The following MAD1L1 variants were observed in gnomAD, a reference collection of about 807,000 sequenced individuals.
The protein encoded by MAD1L1 is mitotic spindle assembly checkpoint protein MAD1.
A neutral mutation model predicts 96.9 loss-of-function variants in MAD1L1; 95 were observed. The observed-to-expected ratio is 0.98, with a 90% CI of 0.83 to 1.16. The LOEUF (loss-of-function observed/expected upper bound fraction) is 1.16, where lower values mean the gene tolerates loss of function less well. MAD1L1 is among the 50% of genes most tolerant of loss of function. The pLI is 0.00. For missense variants in MAD1L1, 1,007 were observed against 954.4 expected (o/e 1.06, Z -0.73); for synonymous variants, 473 against 396.6 (o/e 1.19, Z -2.29).
chr7:1,917,962 G>C lies in MAD1L1; in HGVS notation c.1807+18725C>G, dbSNP rs549950544. 3.6e-3 allele frequency among the ~76,000 whole-genome samples: 541 copies of C among 152,274 alleles called. 4 individuals are homozygous for C. The highest frequency in any genetic ancestry group is 0.013 in the African/African-American group (533 of 41,550). On this transcript the variant is annotated intron_variant, in intron 17 of 18. Coordinates refer to ENST00000265854, the MANE Select transcript of MAD1L1 (RefSeq NM_001013836.2). Reference sequence around the variant, plus strand: ...GCATCAGGCCCCACCCTGTGGTTCAGCCCAGAGCCCAGCAGACTAGATGTG... The same window carrying C: ...GCATCAGGCCCCACCCTGTGGTTCACCCCAGAGCCCAGCAGACTAGATGTG...
chr7:2,003,172 G>T (rs1285360422), intron 13 of MAD1L1, among the ~76,000 whole-genome samples: 1 of 152,314 alleles, frequency 6.6e-6, no homozygotes, highest in East Asian at 1.9e-4. Context: ...GGGAGAAATC[G>T]AGAGGCAGGC....
At chr7:2,141,225 A>G (rs192743389) in intron 11 of MAD1L1, among the ~76,000 whole-genome samples, 114 of 152,308 alleles carry the variant, frequency 7.5e-4, no homozygotes, top group African/African-American at 2.5e-3. Context: ...CCTGCATCCT[A>G]CAGGGCCACG....
chr7:2,191,195 C>T (rs1193421019), intron 10 of MAD1L1, among the ~76,000 whole-genome samples: 4 of 152,128 alleles, frequency 2.6e-5, no homozygotes, highest in Non-Finnish European at 5.9e-5. Context: ...ATTCCATTCC[C>T]ACATAATTCC....
rs929348634 is a variant in MAD1L1 at position 2,045,347 on chromosome 7, T to C, written c.1218+23847A>G. On this transcript the variant is annotated intron_variant, in intron 12 of 18. Coordinates refer to ENST00000265854, the MANE Select transcript of MAD1L1 (RefSeq NM_001013836.2). ...TCCCCCATGTCCCTGTGAGAGTCTC[T>C]GTGTCCCTGTGAGAGTGACTCCCAG... Among the ~76,000 whole-genome samples the C allele has an allele frequency of 1.3e-5, 2 of 152,118 alleles. 1 individual carries two copies. The highest frequency in any genetic ancestry group is 4.1e-4 in the South Asian group (2 of 4,824).
rs969795750 is a variant in MAD1L1 at position 2,076,174 on chromosome 7, G to A, written c.1074-6836C>T. On this transcript the variant is annotated intron_variant, in intron 11 of 18. Coordinates refer to ENST00000265854, the MANE Select transcript of MAD1L1 (RefSeq NM_001013836.2). ...GGTATGAAGACGCCTCCACAGCCAC[G>A]CCCGGGCCCAGGGCAAAACCAGCAC... is the stretch of plus-strand genomic sequence containing the variant. Among the ~76,000 whole-genome samples, 5 of 152,210 alleles carry A rather than the reference G, an allele frequency of 3.3e-5. No homozygotes were observed. The East Asian group carries it at 7.7e-4, about 23-fold the overall frequency.
Position 2,020,033 on chromosome 7 carries a change from C to T in MAD1L1, c.1219-5391G>A, listed in dbSNP as rs189536614. Among the ~76,000 whole-genome samples, 26 of 152,358 alleles carry T rather than the reference C, an allele frequency of 1.7e-4. No individual in the cohort carries two copies. In the East Asian group the frequency reaches 1.7e-3, roughly 10 times the overall value. On this transcript the variant is annotated intron_variant, in intron 12 of 18. Coordinates refer to ENST00000265854, the MANE Select transcript of MAD1L1 (RefSeq NM_001013836.2). ...CGTTACCTCATTTGATCTTCAGAAC[C>T]GCCAGGCAGGCACAGGGCTGAGGGA...
Position 2,186,615 on chromosome 7 carries a change from C to T in MAD1L1, c.986+26597G>A, listed in dbSNP as rs192311804. On this transcript the variant is annotated intron_variant, in intron 10 of 18. Transcript: ENST00000265854. ...TTTCTTTGTAGTGAGGATGGATTTA[C>T]ATTATCCTGTACAATATTTTTGAAA... Among the ~76,000 whole-genome samples, 41 of 152,232 alleles carry T rather than the reference C, an allele frequency of 2.7e-4. 1 individual carries two copies. Among genetic ancestry groups the T allele is most frequent in the Admixed American group, 2.6e-3 (40 of 15,292 alleles).
chr7:1,909,165 C>A (rs1177047255), intron 17 of MAD1L1, among the ~76,000 whole-genome samples: 2 of 152,204 alleles, frequency 1.3e-5, no homozygotes, highest in Non-Finnish European at 2.9e-5. Flanking sequence ...GCCTCCACAT[C>A]AGGCCGAGGT....
rs1223181376 is a variant in MAD1L1 at position 1,937,673 on chromosome 7, C to T, written c.1597-776G>A. 9.5e-5 allele frequency among the ~76,000 whole-genome samples: 14 copies of T among 147,536 alleles called. 1 individual carries two copies. The highest frequency in any genetic ancestry group is 3.3e-4 in the African/African-American group (13 of 39,804). On this transcript the variant is annotated intron_variant, in intron 16 of 18. Coordinates refer to ENST00000265854, the MANE Select transcript of MAD1L1 (RefSeq NM_001013836.2). The stretch of plus-strand genomic sequence containing the variant: ...CTGCGCACCCGAGACCCCGACCTCA[C>T]GCCACACACAAACATCAGCCGCCCA...
chr7:1,855,262 G>A (rs1325167825), intron 18 of MAD1L1, among the ~76,000 whole-genome samples: 1 of 151,926 alleles, frequency 6.6e-6, no homozygotes, highest in Non-Finnish European at 1.5e-5. Context: ...ACACCCACAC[G>A]AGCCTCCCTA....
At chr7:1,863,662 C>T (rs562198698) in intron 18 of MAD1L1, among the ~76,000 whole-genome samples, 2 of 152,218 alleles carry the variant, frequency 1.3e-5, no homozygotes, top group South Asian at 2.1e-4. Flanking sequence ...TCTCAGCTGC[C>T]CTGCCCTGCC....
intron 16 of MAD1L1, among the ~76,000 whole-genome samples, chr7:1,939,325 A>T (rs1036719839): frequency 6.7e-6 from 1 of 149,638 alleles, no homozygotes; most frequent in Non-Finnish European, 1.5e-5. Flanking sequence ...ACACACACAC[A>T]TACACACACA....
At chr7:1,915,112 T>C (rs886980409) in intron 17 of MAD1L1, among the ~76,000 whole-genome samples, 12 of 152,126 alleles carry the variant, frequency 7.9e-5, no homozygotes, top group Admixed American at 3.9e-4. Flanking sequence ...CAGCTATTCA[T>C]TCACCCAGCA....
chr7:1,885,437 AG>A (rs1785950944), intron 18 of MAD1L1, among the ~76,000 whole-genome samples: 1 of 152,240 alleles, frequency 6.6e-6, no homozygotes, highest in Non-Finnish European at 1.5e-5. Context: ...CACCAGGCAG[AG>A]GCCAGTGCAC....
intron 17 of MAD1L1, among the ~76,000 whole-genome samples, chr7:1,914,972 C>T (rs1788280981): frequency 6.6e-6 from 1 of 152,130 alleles, no homozygotes; most frequent in Non-Finnish European, 1.5e-5. Flanking sequence ...GAGCCTCATG[C>T]GGTGGCATCT....
At chr7:1,903,635 G>A (rs1287056122) in intron 17 of MAD1L1, among the ~76,000 whole-genome samples, 1 of 142,742 alleles carries the variant, frequency 7.0e-6, no homozygotes, top group Non-Finnish European at 1.5e-5. Context: ...CATGATTGAT[G>A]AAGCACTGTT....
intron 17 of MAD1L1, among the ~76,000 whole-genome samples, chr7:1,911,908 G>C (rs1019360261): frequency 1.3e-5 from 2 of 152,260 alleles, no homozygotes; most frequent in Non-Finnish European, 2.9e-5. Flanking sequence ...CCCTCACTGT[G>C]TGAGCTGCCT....
intron 10 of MAD1L1, among the ~76,000 whole-genome samples, chr7:2,160,329 ATTTTTTT>A (rs58004689): frequency 1.0e-4 from 11 of 109,698 alleles, no homozygotes; most frequent in African/African-American, 3.8e-4. Flanking sequence ...ACTGGATCCT[ATTTTTTT>A]TTTTTTTTTT....
intron 14 of MAD1L1, among the ~76,000 whole-genome samples, chr7:1,986,032 C>A (rs894485096): frequency 7.9e-5 from 12 of 152,200 alleles, no homozygotes; most frequent in African/African-American, 2.4e-4. Context: ...TGCTCTAACA[C>A]AAATGCATGG....
Sources: allele counts gnomAD v4.1 joint callset (sites outside exome capture counted in the v4.1 genomes callset), GRCh38; gene constraint gnomAD v4.1.1; transcripts MANE v1.5; gene names NCBI Gene and HGNC (gene_info 2026-07-23, HGNC 2026-07-21).